RNF217: variants seen among roughly 807,000 people sequenced by gnomAD.
RNF217 encodes the protein E3 ubiquitin-protein ligase RNF217.
In RNF217, 31 loss-of-function variants were observed where a neutral mutation model predicts 57.8. That is an observed-to-expected ratio of 0.54 (90% confidence interval 0.40 to 0.72). The LOEUF is 0.72. Ranked by LOEUF, RNF217 falls within the 30% of genes least tolerant of loss-of-function variation. RNF217 has a pLI of 0.00. For missense variants in RNF217, 696 were observed against 708.3 expected, an observed-to-expected ratio of 0.98 and a Z score of 0.20; for synonymous variants, 313 against 294.0, an observed-to-expected ratio of 1.06 and a Z score of -0.66.
intron 2 of RNF217, among the ~76,000 whole-genome samples, chr6:125,057,662 G>A (rs1787573360): frequency 6.6e-6 from 1 of 152,180 alleles, no homozygotes; most frequent in Non-Finnish European, 1.5e-5. Context: ...CAATCTGGGA[G>A]ACTGCACTTA....
At chr6:125,077,781 C>T (rs1788434159) in intron 4 of RNF217, among the ~76,000 whole-genome samples, 1 of 152,152 alleles carries the variant, frequency 6.6e-6, no homozygotes, top group African/African-American at 2.4e-5. Flanking sequence ...TTATCATCTT[C>T]CACATTTCCG....
At chr6:125,062,778 C>T (rs1355993091) in intron 3 of RNF217, among the ~76,000 whole-genome samples, 2 of 151,992 alleles carry the variant, frequency 1.3e-5, no homozygotes, top group East Asian at 1.9e-4. Context: ...GGTTTCACCA[C>T]GTTGACCAGC....
intron 1 of RNF217, among the ~76,000 whole-genome samples, chr6:125,000,820 A>G (rs1784950762): frequency 6.6e-6 from 1 of 152,112 alleles, no homozygotes; most frequent in Non-Finnish European, 1.5e-5. Context: ...ACTGTAGTAA[A>G]AAGATTTCTT....
rs1788736927 is a variant in RNF217 at position 125,085,152 on chromosome 6, A to G, written c.*2215A>G. On this transcript the variant is annotated 3_prime_UTR_variant, in exon 6 of 6. Transcript: ENST00000521654. ...GGATAATCTGTTTTCTGGGTTATGTATCTGTTGTCTTTGGCCTACTCAGGG... is the reference window on the plus strand; with the variant it reads ...GGATAATCTGTTTTCTGGGTTATGTGTCTGTTGTCTTTGGCCTACTCAGGG... The G allele has an allele frequency of 1.3e-5, 2 of 151,878 alleles. No homozygotes were observed. The highest frequency in any genetic ancestry group is 4.1e-4 in the South Asian group (2 of 4,834). 9.4% of individuals were successfully genotyped at this position (151,878 alleles called of 1,614,324 possible).
chr6:125,064,877 T>C (rs772108121), intron 3 of RNF217, among the ~76,000 whole-genome samples: 10 of 152,074 alleles, frequency 6.6e-5, no homozygotes, highest in Non-Finnish European at 1.3e-4. Context: ...GAAAATGTAG[T>C]GTACCTTAAA....
chr6:125,078,576 T>A (rs1355151257), intron 4 of RNF217, among the ~76,000 whole-genome samples: 1 of 152,088 alleles, frequency 6.6e-6, no homozygotes. Context: ...TACCCTTTTG[T>A]CAGGAACCCA....
chr6:125,071,673 C>T (rs1483842184), intron 3 of RNF217, among the ~76,000 whole-genome samples: 1 of 152,090 alleles, frequency 6.6e-6, no homozygotes, highest in Non-Finnish European at 1.5e-5. Flanking sequence ...TTATTCTGAA[C>T]ATTTCATCTT....
intron 3 of RNF217, among the ~76,000 whole-genome samples, chr6:125,065,876 T>C (rs1235283897): frequency 6.6e-6 from 1 of 152,168 alleles, no homozygotes; most frequent in African/African-American, 2.4e-5. Context: ...AAAAGCTATA[T>C]ATCCAAATAG....
chr6:125,035,895 T>G (rs1204079404), intron 1 of RNF217, among the ~76,000 whole-genome samples: 2 of 151,808 alleles, frequency 1.3e-5, no homozygotes, highest in Non-Finnish European at 2.9e-5. Context: ...GTTTTTTTTT[T>G]CAATTTTACT....
chr6:125,038,232 T>C (rs1786726231), intron 1 of RNF217, among the ~76,000 whole-genome samples: 2 of 152,196 alleles, frequency 1.3e-5, no homozygotes, highest in South Asian at 4.1e-4. Context: ...TAAATAGTTG[T>C]ATTAGCATTT....
intron 2 of RNF217, among the ~76,000 whole-genome samples, chr6:125,049,410 G>A (rs1235129154): frequency 6.6e-6 from 1 of 151,922 alleles, no homozygotes; most frequent in Admixed American, 6.6e-5. Flanking sequence ...CTGATAGAGG[G>A]TGCACTCAAA....
intron 1 of RNF217, among the ~76,000 whole-genome samples, chr6:125,014,613 A>G (rs1785536765): frequency 6.6e-6 from 1 of 152,124 alleles, no homozygotes; most frequent in African/African-American, 2.4e-5. Context: ...CTTTTAGCCA[A>G]TTATGGTCAG....
chr6:124,982,505 T>C (rs544952400), intron 1 of RNF217, among the ~76,000 whole-genome samples: 21 of 152,230 alleles, frequency 1.4e-4, no homozygotes, highest in Admixed American at 1.2e-3. Flanking sequence ...TATGGGAAAA[T>C]TCTGTAGTCT....
rs990785323 is a variant in RNF217, at chr6:124,962,538, G to A, written c.-7G>A. ...ATGGGCAGCGGCGGCGCGGGCCGCG[G>A]GCGGCGATGGGCGAGGAGCAGAGCA... On this transcript the variant is annotated 5_prime_UTR_variant, in exon 1 of 6. Coordinates refer to ENST00000521654, the MANE Select transcript of RNF217 (RefSeq NM_001286398.3). The surrounding 1 kb of genome is among the most constrained non-coding windows in gnomAD (Gnocchi z 4.6). 3.4e-6 allele frequency: 4 copies of A among 1,181,696 alleles called. No homozygotes were observed. The African/African-American group carries it at 4.8e-5, about 14-fold the overall frequency. 73.2% of individuals were successfully genotyped at this position (1,181,696 alleles called of 1,614,324 possible).
chr6:125,017,510 T>C (rs1170740731), intron 1 of RNF217, among the ~76,000 whole-genome samples: 6 of 152,192 alleles, frequency 3.9e-5, no homozygotes, highest in Non-Finnish European at 8.8e-5. Context: ...AACAAGTGTA[T>C]GAATGGCTAA....
At position 125,011,088 on chromosome 6, in the gene RNF217, C is replaced by A. The variant is rs577987298; in HGVS notation, c.883-34123C>A. 7.2e-5 allele frequency among the ~76,000 whole-genome samples: 11 copies of A among 151,940 alleles called. No homozygotes were observed. The South Asian group carries it at 2.3e-3, about 32-fold the overall frequency. On this transcript the variant is annotated intron_variant, in intron 1 of 5. Transcript: ENST00000521654. ...GTAGTATGGTGGTGGTATAGGGTAC[C>A]AAGAATGTTAAGAAAAGAAATGGAG...
intron 1 of RNF217, among the ~76,000 whole-genome samples, chr6:124,975,178 T>A (rs1002065654): frequency 1.3e-5 from 2 of 152,208 alleles, no homozygotes; most frequent in Non-Finnish European, 2.9e-5. Context: ...TTGGCCACAC[T>A]CAGTATTCAT....
At chr6:125,013,520 AC>A (rs1372120849) in intron 1 of RNF217, among the ~76,000 whole-genome samples, 1 of 151,122 alleles carries the variant, frequency 6.6e-6, no homozygotes, top group Non-Finnish European at 1.5e-5. Context: ...TCAAGCAGGT[AC>A]CACAGCCCTG....
At chr6:124,971,545 T>A (rs1316480915) in intron 1 of RNF217, 1 of 286,936 alleles carries the variant, frequency 3.5e-6, no homozygotes, top group Admixed American at 3.9e-5. Flanking sequence ...AACCTCCACA[T>A]CCCAGGTTCA....
Sources: allele counts gnomAD v4.1 joint callset (sites outside exome capture counted in the v4.1 genomes callset), GRCh38; gene constraint gnomAD v4.1.1; non-coding constraint Gnocchi (gnomAD v3.1); transcripts MANE v1.5; gene names NCBI Gene and HGNC (gene_info 2026-07-23, HGNC 2026-07-21).